AVEN: variants seen among roughly 807,000 people sequenced by gnomAD.
AVEN encodes the protein cell death regulator Aven.
In AVEN, 41 loss-of-function variants were observed where a neutral mutation model predicts 38.1. The observed-to-expected ratio is 1.08, with a 90% CI of 0.84 to 1.40. The LOEUF (loss-of-function observed/expected upper bound fraction) is 1.40, where lower values mean the gene tolerates loss of function less well. Ranked by LOEUF, AVEN falls within the 40% of genes most tolerant of loss-of-function variation. The probability of loss-of-function intolerance (pLI) is 0.00; values close to 1 mark genes in which losing one functional copy is unlikely to be tolerated. For synonymous variants in AVEN, 206 were observed against 171.8 expected, an observed-to-expected ratio of 1.20 and a Z score of -1.56; for missense variants, 605 against 438.8, an observed-to-expected ratio of 1.38 and a Z score of -3.38.
At chr15:33,877,309 A>G (rs562542092) in intron 2 of AVEN, among the ~76,000 whole-genome samples, 2 of 152,304 alleles carry the variant, frequency 1.3e-5, no homozygotes, top group African/African-American at 4.8e-5. Context: ...ACATTTTTTT[A>G]AAAAGAGCAA....
At position 34,054,340 on chromosome 15, in the gene AVEN, G is replaced by C. The variant is rs991133602; in HGVS notation, n.1637+8582C>G. ...ATCTCATTACTGAGTATATACCCAA[G>C]GGACTATAAATCATTCTATCATAAA... On this transcript the variant is annotated intron_variant and non_coding_transcript_variant, in intron 5 of 11. Coordinates refer to the AVEN transcript ENST00000675287. 1.7e-4 allele frequency among the ~76,000 whole-genome samples: 26 copies of C among 152,092 alleles called. 1 individual carries two copies. The highest frequency in any genetic ancestry group is 4.4e-5 in the Non-Finnish European group (3 of 68,014).
chr15:34,050,324 G>T (rs1288196690), intron 5 of AVEN, among the ~76,000 whole-genome samples: 1 of 152,176 alleles, frequency 6.6e-6, no homozygotes, highest in Non-Finnish European at 1.5e-5. Context: ...GGCCTGCCTT[G>T]CAAGAGCTCC....
intron 2 of AVEN, among the ~76,000 whole-genome samples, chr15:33,992,758 G>A (rs929852246): frequency 6.6e-6 from 1 of 152,172 alleles, no homozygotes; most frequent in East Asian, 1.9e-4. Context: ...AAAAGTACAG[G>A]CTGCTAGAGT....
At chr15:34,046,689 T>G (rs78336798) in intron 5 of AVEN, 1 of 152,220 alleles carries the variant, frequency 6.6e-6, no homozygotes, top group Non-Finnish European at 1.5e-5. Context: ...GCAGCTCTCA[T>G]GCAAAGGAAT....
At chr15:33,957,847 G>T (rs370354905) in intron 2 of AVEN, among the ~76,000 whole-genome samples, 1 of 152,148 alleles carries the variant, frequency 6.6e-6, no homozygotes, top group Non-Finnish European at 1.5e-5. Flanking sequence ...AGGCAAAAAG[G>T]GTGAAGAGGG....
intron 2 of AVEN, among the ~76,000 whole-genome samples, chr15:33,878,428 A>G (rs1891342328): frequency 6.6e-6 from 1 of 152,162 alleles, no homozygotes; most frequent in South Asian, 2.1e-4. Context: ...ACAGTGTTAA[A>G]GCAACTCACC....
At chr15:33,863,883 A>G (rs1889448049), downstream of AVEN, among the ~76,000 whole-genome samples, 1 of 152,168 alleles carries the variant, frequency 6.6e-6, no homozygotes, top group Admixed American at 6.5e-5. Flanking sequence ...GCTACCTTGC[A>G]AGTGATCTTA....
chr15:33,917,501 A>ACG (rs1893192285), intron 2 of AVEN, among the ~76,000 whole-genome samples: 1 of 148,904 alleles, frequency 6.7e-6, no homozygotes, highest in Non-Finnish European at 1.5e-5. Flanking sequence ...ATATATACAC[A>ACG]CGGAATAATT....
At chr15:34,032,040 C>CACACACAG (rs746130624) in intron 1 of AVEN, among the ~76,000 whole-genome samples, 1 of 151,344 alleles carries the variant, frequency 6.6e-6, no homozygotes, top group Non-Finnish European at 1.5e-5. Flanking sequence ...CACACACACA[C>CACACACAG]AGGGCTTCTA....
chr15:34,005,309 AATTGTATCTAATTGTTTATTC>A (rs1897295967), intron 1 of AVEN, among the ~76,000 whole-genome samples: 1 of 152,144 alleles, frequency 6.6e-6, no homozygotes, highest in Non-Finnish European at 1.5e-5. Flanking sequence ...CAGGACCAGG[AATTGTATCTAATTGTTTATTC>A]CTTAAGTCTC....
intron 4 of AVEN, chr15:34,064,140 AC>A (rs1430310060): frequency 6.2e-7 from 1 of 1,614,090 alleles, no homozygotes; most frequent in East Asian, 2.2e-5. Context: ...TGTCCCAGTC[AC>A]CCTGTGGCAC....
intron 1 of AVEN, among the ~76,000 whole-genome samples, chr15:34,010,697 CAA>C (rs1379339799): frequency 6.6e-6 from 1 of 152,086 alleles, no homozygotes; most frequent in Non-Finnish European, 1.5e-5. Context: ...AACCCTCCAA[CAA>C]AAAAGTCACC....
At chr15:34,069,332 A>G (rs376944938) in intron 2 of AVEN, among the ~76,000 whole-genome samples, 5 of 149,982 alleles carry the variant, frequency 3.3e-5, no homozygotes, top group African/African-American at 1.3e-4. Flanking sequence ...AGGCAGGAGA[A>G]TTGCTTGAAC....
In AVEN at chr15:34,019,711, G is replaced by A. The variant is rs537570524; in HGVS notation, c.268-16502C>T. Among the ~76,000 whole-genome samples the A allele has an allele frequency of 5.6e-4, 85 of 152,282 alleles. 1 individual carries two copies. The highest frequency in any genetic ancestry group is 1.9e-3 in the African/African-American group (79 of 41,554). On this transcript the variant is annotated intron_variant, in intron 1 of 5. Transcript: ENST00000306730. ...ATAACTGTCTACAGTATCCAGTACCGTAACATGCTGTACAGGTTTGTAGCC... is the reference window on the plus strand; with the variant it reads ...ATAACTGTCTACAGTATCCAGTACCATAACATGCTGTACAGGTTTGTAGCC...
rs1024920000 is a variant in AVEN, at chr15:34,073,846, G to A, written n.720+590C>T. Reference sequence around the variant, plus strand: ...AGGGAGCTCTTATCCATAACTAAACGTAGATTAGAAAGAGATTACTTCTGT... The same window carrying A: ...AGGGAGCTCTTATCCATAACTAAACATAGATTAGAAAGAGATTACTTCTGT... On this transcript the variant is annotated intron_variant and non_coding_transcript_variant, in intron 1 of 11. Transcript: ENST00000675287. 8.2e-4 allele frequency among the ~76,000 whole-genome samples: 124 copies of A among 151,894 alleles called. 1 individual carries two copies. Among genetic ancestry groups the A allele is most frequent in the East Asian group, 3.9e-4 (2 of 5,164 alleles).
chr15:33,883,908 T>A (rs1056080322), intron 2 of AVEN, among the ~76,000 whole-genome samples: 19 of 152,214 alleles, frequency 1.2e-4, no homozygotes, highest in African/African-American at 4.1e-4. Context: ...AACCCTCACT[T>A]TATAGAGCTG....
At chr15:33,865,235 C>G (rs41280044), downstream of AVEN, 59,392 of 1,600,022 alleles carry the variant, frequency 0.037, 1,466 homozygotes, top group Non-Finnish European at 0.039. Flanking sequence ...AAATCTGAAT[C>G]AAAGAAGCGC....
chr15:33,858,979 T>G (rs2080037449), exon 12 of AVEN: 1 of 152,694 alleles, frequency 6.5e-6, no homozygotes, highest in African/African-American at 2.4e-5. Flanking sequence ...AGGCTGCCCC[T>G]GGCTTTTGAT....
chr15:34,055,829 T>C (rs923645710), intron 5 of AVEN, among the ~76,000 whole-genome samples: 3 of 152,022 alleles, frequency 2.0e-5, no homozygotes, highest in African/African-American at 7.2e-5. Context: ...TAAATAAAAA[T>C]AAACAAATAA....
Sources: gnomAD v4.1 joint callset for allele counts (sites outside exome capture counted in the v4.1 genomes callset) on GRCh38, gnomAD v4.1.1 for gene constraint, MANE v1.5 for transcripts, NCBI Gene and HGNC (gene_info 2026-07-23, HGNC 2026-07-21) for gene names.